PCDH15: variants seen among roughly 807,000 people sequenced by gnomAD.
PCDH15 encodes protocadherin related 15, also known as protocadherin-15.
PCDH15 carries 129 observed loss-of-function variants against 178.5 expected under a neutral mutation model. That is an observed-to-expected ratio of 0.72 (90% CI 0.63 to 0.84). PCDH15 has a LOEUF of 0.84. Among genes scored for constraint, PCDH15 ranks in the 40% least tolerant of loss-of-function variants. The probability of loss-of-function intolerance (pLI) is 0.00; values close to 1 mark genes in which losing one functional copy is unlikely to be tolerated. For missense variants in PCDH15, 2,230 were observed against 2,099.9 expected (o/e 1.06, Z -1.21); for synonymous variants, 800 against 732.0 (o/e 1.09, Z -1.50).
At chr10:55,013,893 A>C (rs1840107845) in intron 2 of PCDH15, among the ~76,000 whole-genome samples, 1 of 152,140 alleles carries the variant, frequency 6.6e-6, no homozygotes, top group African/African-American at 2.4e-5. Flanking sequence ...ACAGTATTCA[A>C]ACTATTAATT....
At chr10:54,645,999 T>C (rs1171327662) in intron 2 of PCDH15, among the ~76,000 whole-genome samples, 1 of 152,094 alleles carries the variant, frequency 6.6e-6, no homozygotes. Flanking sequence ...TGAAAATGTT[T>C]TATCTGATTT....
At chr10:55,175,312 C>T (rs950777340) in intron 1 of PCDH15, among the ~76,000 whole-genome samples, 1 of 152,188 alleles carries the variant, frequency 6.6e-6, no homozygotes, top group Non-Finnish European at 1.5e-5. Context: ...AAGCATGCCA[C>T]TCTACCTCCT....
chr10:54,836,687 G>A (rs1953322606), intron 3 of PCDH15, among the ~76,000 whole-genome samples: 1 of 151,858 alleles, frequency 6.6e-6, no homozygotes, highest in Non-Finnish European at 1.5e-5. Context: ...ACTTTAATAT[G>A]AATAAACTAA....
intron 6 of PCDH15, among the ~76,000 whole-genome samples, chr10:54,333,763 G>A (rs756790572): frequency 3.3e-5 from 5 of 152,050 alleles, no homozygotes; most frequent in Admixed American, 6.6e-5. Flanking sequence ...CTTGGGAATC[G>A]GCATTTTTAA....
At chr10:54,961,006 C>A (rs1025678256) in intron 2 of PCDH15, among the ~76,000 whole-genome samples, 1 of 152,128 alleles carries the variant, frequency 6.6e-6, no homozygotes, top group African/African-American at 2.4e-5. Flanking sequence ...CAAATCAATG[C>A]AAAGGCAATA....
intron 28 of PCDH15, among the ~76,000 whole-genome samples, chr10:53,852,488 A>C (rs910054642): frequency 1.3e-5 from 2 of 151,094 alleles, no homozygotes; most frequent in Non-Finnish European, 2.9e-5. Flanking sequence ...AAATCTAAAA[A>C]GTAGTAAAAA....
intron 2 of PCDH15, among the ~76,000 whole-genome samples, chr10:55,387,961 T>G (rs987253079): frequency 6.6e-6 from 1 of 152,034 alleles, no homozygotes; most frequent in Non-Finnish European, 1.5e-5. Context: ...CTACCTCACT[T>G]CACTTCTGGC....
chr10:54,220,794 C>T (rs904763718), intron 9 of PCDH15, among the ~76,000 whole-genome samples: 11 of 151,538 alleles, frequency 7.3e-5, no homozygotes, highest in South Asian at 2.1e-4. Flanking sequence ...CACTGCACTC[C>T]AGCCTGGGCG....
intron 1 of PCDH15, among the ~76,000 whole-genome samples, chr10:55,216,111 G>C (rs76168569): frequency 6.7e-6 from 1 of 149,794 alleles, no homozygotes; most frequent in African/African-American, 2.5e-5. Flanking sequence ...TCACCACCTA[G>C]AAAAAAAAAT....
At chr10:54,476,261 GC>G (rs1407494753) in intron 3 of PCDH15, among the ~76,000 whole-genome samples, 1 of 151,762 alleles carries the variant, frequency 6.6e-6, no homozygotes, top group African/African-American at 2.4e-5. Context: ...TACACTCAAG[GC>G]CCCTCATGCT....
chr10:55,001,640 G>C (rs868702307), intron 2 of PCDH15, among the ~76,000 whole-genome samples: 86 of 152,124 alleles, frequency 5.7e-4, no homozygotes, highest in African/African-American at 2.1e-3. Context: ...ACAGTGGTAA[G>C]ACCTCATGCT....
At chr10:53,827,268 G>C (rs980306385) in intron 32 of PCDH15, 125 bp downstream of exon 32, 2 of 1,292,614 alleles carry the variant, frequency 1.5e-6, no homozygotes, top group Non-Finnish European at 2.0e-6. Flanking sequence ...ATTTTCTCTT[G>C]AAAATAATAG....
chr10:55,612,790 T>A (rs1843395361), intron 2 of PCDH15, among the ~76,000 whole-genome samples: 1 of 152,138 alleles, frequency 6.6e-6, no homozygotes, highest in Non-Finnish European at 1.5e-5. Context: ...CTAATCTATG[T>A]CTTAGCAACC....
intron 2 of PCDH15, among the ~76,000 whole-genome samples, chr10:54,563,188 T>G (rs1334621656): frequency 6.6e-6 from 1 of 152,170 alleles, no homozygotes; most frequent in East Asian, 1.9e-4. Flanking sequence ...GATCTATACA[T>G]TTGAAAAATA....
At position 55,352,166 on chromosome 10, in the gene PCDH15, A is replaced by G. The variant is rs144040418; in HGVS notation, c.-155-185515T>C. Among the ~76,000 whole-genome samples, 491 of 152,278 alleles carry G rather than the reference A, an allele frequency of 3.2e-3. 1 individual carries two copies. Among genetic ancestry groups the G allele is most frequent in the African/African-American group, 0.011 (465 of 41,570 alleles). ...GAAATTTACCATTTGATAATGGAAT[A>G]CATTTTTGAATAAATGTGGTTATAT... On this transcript the variant is annotated intron_variant, in intron 2 of 5. Transcript: ENST00000613346.
intron 4 of PCDH15, among the ~76,000 whole-genome samples, chr10:54,375,039 A>C (rs571445010): frequency 6.6e-6 from 1 of 152,104 alleles, no homozygotes; most frequent in Non-Finnish European, 1.5e-5. Context: ...CATGATTTGC[A>C]TCACTTTCTC....
chr10:55,589,600 C>T (rs1450385038), intron 2 of PCDH15, among the ~76,000 whole-genome samples: 1 of 152,198 alleles, frequency 6.6e-6, no homozygotes, highest in East Asian at 1.9e-4. Flanking sequence ...CTACAATGAA[C>T]TCAAACAAAT....
At chr10:54,793,699 AACATATATATACATATATAT>A (rs530553140) in intron 1 of PCDH15, among the ~76,000 whole-genome samples, 2 of 148,388 alleles carry the variant, frequency 1.3e-5, no homozygotes, top group African/African-American at 4.9e-5. Flanking sequence ...TACATATATA[AACATATATATACATATATAT>A]ACACTTGTGT....
At chr10:55,318,266 C>T (rs61199636) in intron 1 of PCDH15, among the ~76,000 whole-genome samples, 1,824 of 151,770 alleles carry the variant, frequency 0.012, 49 homozygotes, top group African/African-American at 0.043. Context: ...GTGTTGGGGG[C>T]AGGGGTGTGG....
Sources: gnomAD v4.1 joint callset for allele counts (sites outside exome capture counted in the v4.1 genomes callset) on GRCh38, gnomAD v4.1.1 for gene constraint, MANE v1.5 for transcripts, NCBI Gene and HGNC (gene_info 2026-07-23, HGNC 2026-07-21) for gene names.